Variants in DEXI observed in about 807,000 individuals in gnomAD.
DEXI encodes Dexi homolog.
DEXI carries 2 observed loss-of-function variants against 2.5 expected under a neutral mutation model. That is an observed-to-expected ratio of 0.81 (90% CI 0.33 to 2.55). The LOEUF (loss-of-function observed/expected upper bound fraction) is 2.55, where lower values mean the gene tolerates loss of function less well. DEXI is among the 30% of genes most tolerant of loss of function. DEXI has a pLI of 0.11. For missense variants in DEXI, 108 were observed against 130.3 expected, an observed-to-expected ratio of 0.83 and a Z score of 0.83; for synonymous variants, 71 against 68.7, an observed-to-expected ratio of 1.03 and a Z score of -0.17.
rs182391831 is a variant in DEXI, at chr16:10,941,550, G to A, written c.*149+19C>T. 5.4e-4 allele frequency: 772 copies of A among 1,441,714 alleles called. 4 individuals are homozygous for A. The African/African-American group carries it at 9.7e-3, about 18-fold the overall frequency. The allele number at this position is 1,441,714 out of a possible 1,614,324, so 89.3% of individuals were successfully genotyped here. A position where few individuals can be genotyped will look rare whatever the true frequency, so the allele number is the denominator to read the frequency against. On this transcript the variant is annotated intron_variant, in intron 1 of 1. Coordinates refer to ENST00000331808, the MANE Select transcript of DEXI (RefSeq NM_014015.4). This position sits in a 1 kb window ranked among gnomAD's most constrained non-coding sequence, Gnocchi z 6.4. ...TAGCGCCCCAACCCGCCCTCATCCTGTTCAGAGAGGGCACTTACAGGCCTC... is the reference window on the plus strand; with the variant it reads ...TAGCGCCCCAACCCGCCCTCATCCTATTCAGAGAGGGCACTTACAGGCCTC...
intron 1 of DEXI, chr16:10,936,198 G>T (rs749175650): frequency 6.6e-6 from 1 of 151,844 alleles, no homozygotes; most frequent in Non-Finnish European, 1.5e-5. Context: ...GTCTCACTAT[G>T]TTGCCCAGGC....
rs769394188 is a variant in DEXI at position 10,941,904 on chromosome 16, G to A, written c.102C>T (p.Phe34=). Residue 34 remains phenylalanine (F), a synonymous_variant, in exon 1 of 2, where the codon TTC becomes TTT. Transcript: ENST00000331808. This position sits in a 1 kb window ranked among gnomAD's most constrained non-coding sequence, Gnocchi z 6.4. ...AGTACAGGATCAGCACATTGACGAAGAACAGGCCCACGTAGAACATAGAGG... is the reference window on the plus strand; with the variant it reads ...AGTACAGGATCAGCACATTGACGAAAAACAGGCCCACGTAGAACATAGAGG... ...LLPSMFYVGL[F]FVNVLILYYA... is the part of the protein sequence containing the mutation. 1.9e-6 allele frequency: 3 copies of A among 1,608,886 alleles called. No individual in the cohort carries two copies. The highest frequency in any genetic ancestry group is 1.3e-5 in the African/African-American group (1 of 74,940).
In DEXI at chr16:10,941,516, C is replaced by T. The variant is rs2145447635; in HGVS notation, c.*149+53G>A. 2 of 1,392,036 alleles carry T rather than the reference C, an allele frequency of 1.4e-6. No homozygotes were observed. Among genetic ancestry groups the T allele is most frequent in the South Asian group, 3.4e-5 (2 of 59,652 alleles). 86.2% of individuals were successfully genotyped at this position (1,392,036 alleles called of 1,614,324 possible). A position where few individuals can be genotyped will look rare whatever the true frequency, so the allele number is the denominator to read the frequency against. ...GTATCCGGCCTGGGAATTCCTCCCT[C>T]TCCCTTGCTAGCGCCCCAACCCGCC... On this transcript the variant is annotated intron_variant, in intron 1 of 1. Transcript: ENST00000331808. This position sits in a 1 kb window ranked among gnomAD's most constrained non-coding sequence, Gnocchi z 6.4.
At position 10,942,231 on chromosome 16, in the gene DEXI, G is replaced by T; in HGVS notation, c.-226C>A. 1 of 384,844 alleles carries T rather than the reference G, an allele frequency of 2.6e-6. No individual in the cohort carries two copies. The highest frequency in any genetic ancestry group is 4.7e-5 in the South Asian group (1 of 21,128). The allele number at this position is 384,844 out of a possible 1,614,324, so 23.8% of individuals were successfully genotyped here. On this transcript the variant is annotated 5_prime_UTR_variant, in exon 1 of 2. Transcript: ENST00000331808. This position sits in a 1 kb window ranked among gnomAD's most constrained non-coding sequence, Gnocchi z 5.0. Reference sequence around the variant, plus strand: ...GCCCCCAAGGATCTCTCGACCGCCCGGGCGGCGAGGCGGGCCCCCCTGAAG... The same window carrying T: ...GCCCCCAAGGATCTCTCGACCGCCCTGGCGGCGAGGCGGGCCCCCCTGAAG...
At position 10,929,522 on chromosome 16, in the gene DEXI, A is replaced by T. The variant is rs1001349506; in HGVS notation, c.*187T>A. The T allele has an allele frequency of 6.1e-6, 6 of 985,406 alleles. No individual in the cohort carries two copies. The highest frequency in any genetic ancestry group is 1.7e-5 in the African/African-American group (1 of 57,220). 61.0% of individuals were successfully genotyped at this position (985,406 alleles called of 1,614,324 possible). ...TCCACTCTCCTGGGTTCAAACAGGA[A>T]CCTCTCTGTTGGCACGAAGCTTTTG... is the stretch of plus-strand genomic sequence containing the variant. On this transcript the variant is annotated 3_prime_UTR_variant, in exon 2 of 2. Coordinates refer to ENST00000331808, the MANE Select transcript of DEXI (RefSeq NM_014015.4). The surrounding 1 kb of genome is among the most constrained non-coding windows in gnomAD (Gnocchi z 4.3).
chr16:10,941,649 G>T lies in DEXI; in HGVS notation c.*69C>A. On this transcript the variant is annotated 3_prime_UTR_variant, in exon 1 of 2. Transcript: ENST00000331808. The surrounding 1 kb of genome is among the most constrained non-coding windows in gnomAD (Gnocchi z 6.4). ...TGCCCCCAACCAGCTGCGGCGGCAT[G>T]ATCTGGGCGGCTGGTCCAGGGCATG... 1 of 1,539,700 alleles carries T rather than the reference G, an allele frequency of 6.5e-7. No individual in the cohort carries two copies. Among genetic ancestry groups the T allele is most frequent in the South Asian group, 1.3e-5 (1 of 78,832 alleles).
rs2041065837 is a variant in DEXI, at chr16:10,938,994, G to A, written c.*149+2575C>T. The A allele has an allele frequency of 1.3e-5, 2 of 152,314 alleles. No individual in the cohort carries two copies. Among genetic ancestry groups the A allele is most frequent in the East Asian group, 1.9e-4 (1 of 5,194 alleles). 9.4% of individuals were successfully genotyped at this position (152,314 alleles called of 1,614,324 possible). On this transcript the variant is annotated intron_variant, in intron 1 of 1. Coordinates refer to ENST00000331808, the MANE Select transcript of DEXI (RefSeq NM_014015.4). The surrounding 1 kb of genome is among the most constrained non-coding windows in gnomAD (Gnocchi z 4.9). ...AAGTTACACTGCTTCAAAGTCAAAT[G>A]CTTGGCTTGGAGACAGGGATTTATC...
chr16:10,932,075 G>C (rs1424449022), intron 1 of DEXI: 1 of 152,258 alleles, frequency 6.6e-6, no homozygotes, highest in African/African-American at 2.4e-5. Context: ...AAAGGGCCCA[G>C]AGAGGGTGGT....
In DEXI at chr16:10,937,879, G is replaced by C. The variant is rs1292500237; in HGVS notation, c.*149+3690C>G. 2 of 152,214 alleles carry C rather than the reference G, an allele frequency of 1.3e-5. No homozygotes were observed. Among genetic ancestry groups the C allele is most frequent in the Non-Finnish European group, 2.9e-5 (2 of 68,050 alleles). The allele number at this position is 152,214 out of a possible 1,614,324, so 9.4% of individuals were successfully genotyped here. ...CTGGTGCCCTGGGGACCACAGGGCAGCAAGAAAGTTCTCCTAAGGGTCCTG... is the reference window on the plus strand; with the variant it reads ...CTGGTGCCCTGGGGACCACAGGGCACCAAGAAAGTTCTCCTAAGGGTCCTG... On this transcript the variant is annotated intron_variant, in intron 1 of 1. Coordinates refer to ENST00000331808, the MANE Select transcript of DEXI (RefSeq NM_014015.4). This position sits in a 1 kb window ranked among gnomAD's most constrained non-coding sequence, Gnocchi z 4.2.
rs986833879 is a variant in DEXI, at chr16:10,937,898, G to T, written c.*149+3671C>A. 8 of 152,220 alleles carry T rather than the reference G, an allele frequency of 5.3e-5. No homozygotes were observed. The highest frequency in any genetic ancestry group is 8.8e-5 in the Non-Finnish European group (6 of 68,074). 9.4% of individuals were successfully genotyped at this position (152,220 alleles called of 1,614,324 possible). On this transcript the variant is annotated intron_variant, in intron 1 of 1. Coordinates refer to ENST00000331808, the MANE Select transcript of DEXI (RefSeq NM_014015.4). This position sits in a 1 kb window ranked among gnomAD's most constrained non-coding sequence, Gnocchi z 4.2. ...AGGGCAGCAAGAAAGTTCTCCTAAG[G>T]GTCCTGGGGCTGGGAAGGCAGAGTG...
chr16:10,937,096 G>C lies in DEXI; in HGVS notation c.*149+4473C>G, dbSNP rs972928794. On this transcript the variant is annotated intron_variant, in intron 1 of 1. Coordinates refer to ENST00000331808, the MANE Select transcript of DEXI (RefSeq NM_014015.4). This position sits in a 1 kb window ranked among gnomAD's most constrained non-coding sequence, Gnocchi z 4.2. ...GACTCTTGACATCTCACTGTCTTGAGACACATACTGGGGTTTTCTCCTGTC... is the reference window on the plus strand; with the variant it reads ...GACTCTTGACATCTCACTGTCTTGACACACATACTGGGGTTTTCTCCTGTC... 15 of 152,244 alleles carry C rather than the reference G, an allele frequency of 9.9e-5. No individual in the cohort carries two copies. The highest frequency in any genetic ancestry group is 3.4e-4 in the African/African-American group (14 of 41,436). 9.4% of individuals were successfully genotyped at this position (152,244 alleles called of 1,614,324 possible).
Position 10,938,408 on chromosome 16 carries a change from G to A in DEXI, c.*149+3161C>T, listed in dbSNP as rs1265614233. 1 of 151,734 alleles carries A rather than the reference G, an allele frequency of 6.6e-6. No homozygotes were observed. The highest frequency in any genetic ancestry group is 2.4e-5 in the African/African-American group (1 of 41,342). The allele number at this position is 151,734 out of a possible 1,614,324, so 9.4% of individuals were successfully genotyped here. A position where few individuals can be genotyped will look rare whatever the true frequency, so the allele number is the denominator to read the frequency against. ...AGAGGGAGCAAAAGTAGGTGCACCTGTTCATCTTGAGATTCATCCTGGGCC... is the reference window on the plus strand; with the variant it reads ...AGAGGGAGCAAAAGTAGGTGCACCTATTCATCTTGAGATTCATCCTGGGCC... On this transcript the variant is annotated intron_variant, in intron 1 of 1. Coordinates refer to ENST00000331808, the MANE Select transcript of DEXI (RefSeq NM_014015.4). The surrounding 1 kb of genome is among the most constrained non-coding windows in gnomAD (Gnocchi z 4.9).
rs917322787 is a variant in DEXI, at chr16:10,942,407, C to A, written c.-402G>T. 4 of 162,218 alleles carry A rather than the reference C, an allele frequency of 2.5e-5. No homozygotes were observed. The highest frequency in any genetic ancestry group is 1.6e-4 in the South Asian group (1 of 6,404). The allele number at this position is 162,218 out of a possible 1,614,324, so 10.0% of individuals were successfully genotyped here. A position where few individuals can be genotyped will look rare whatever the true frequency, so the allele number is the denominator to read the frequency against. Reference sequence around the variant, plus strand: ...GCCCCGCAGGTCCTCGCGCACCCCCCGCGCCCCCGCAGGCCCAGCACCCAT... The same window carrying A: ...GCCCCGCAGGTCCTCGCGCACCCCCAGCGCCCCCGCAGGCCCAGCACCCAT... On this transcript the variant is annotated 5_prime_UTR_variant, in exon 1 of 2. Coordinates refer to ENST00000331808, the MANE Select transcript of DEXI (RefSeq NM_014015.4). The surrounding 1 kb of genome is among the most constrained non-coding windows in gnomAD (Gnocchi z 5.0).
Position 10,942,040 on chromosome 16 carries a change from C to G in DEXI, c.-35G>C. 22 of 1,360,962 alleles carry G rather than the reference C, an allele frequency of 1.6e-5. No homozygotes were observed. The highest frequency in any genetic ancestry group is 2.1e-5 in the Non-Finnish European group (22 of 1,059,682). The allele number at this position is 1,360,962 out of a possible 1,614,324, so 84.3% of individuals were successfully genotyped here. On this transcript the variant is annotated 5_prime_UTR_variant, in exon 1 of 2. Coordinates refer to ENST00000331808, the MANE Select transcript of DEXI (RefSeq NM_014015.4). The surrounding 1 kb of genome is among the most constrained non-coding windows in gnomAD (Gnocchi z 5.0). ...GGCAAGGGCGGCGGCCCGGCGATCC[C>G]GGCGAACTCAGCCGCTGCGGCGCCC...
At chr16:10,930,984 T>C (rs939175853) in intron 1 of DEXI, 15 of 152,312 alleles carry the variant, frequency 9.8e-5, no homozygotes, top group African/African-American at 3.4e-4. Flanking sequence ...CCAAGGCCTG[T>C]GGTCATCCTT....
rs2040696961 is a variant in DEXI, at chr16:10,929,749, TAA to T, written c.*150-192_*150-191del. The T allele has an allele frequency of 5.8e-6, 1 of 171,994 alleles. No homozygotes were observed. The highest frequency in any genetic ancestry group is 1.2e-5 in the Non-Finnish European group (1 of 86,282). 10.7% of individuals were successfully genotyped at this position (171,994 alleles called of 1,614,324 possible). Reference sequence around the variant, plus strand: ...GGCTGAAAATGTCTTTCTGCAAATATAAAACTCTTTTTAATGAATTTGCCTAA... The same window carrying T: ...GGCTGAAAATGTCTTTCTGCAAATATAACTCTTTTTAATGAATTTGCCTAA... On this transcript the variant is annotated intron_variant, in intron 1 of 1. Transcript: ENST00000331808. This position sits in a 1 kb window ranked among gnomAD's most constrained non-coding sequence, Gnocchi z 4.3.
chr16:10,939,585 T>C lies in DEXI; in HGVS notation c.*149+1984A>G, dbSNP rs2041073568. Reference sequence around the variant, plus strand: ...TGGACTGCTTTTCTCCAGATCCTTCTATCAAATTAAGGCTCAGCTCAAAAG... The same window carrying C: ...TGGACTGCTTTTCTCCAGATCCTTCCATCAAATTAAGGCTCAGCTCAAAAG... On this transcript the variant is annotated intron_variant, in intron 1 of 1. Transcript: ENST00000331808. This position sits in a 1 kb window ranked among gnomAD's most constrained non-coding sequence, Gnocchi z 4.9. 1 of 152,230 alleles carries C rather than the reference T, an allele frequency of 6.6e-6. No individual in the cohort carries two copies. The highest frequency in any genetic ancestry group is 1.5e-5 in the Non-Finnish European group (1 of 68,054). The allele number at this position is 152,230 out of a possible 1,614,324, so 9.4% of individuals were successfully genotyped here.
chr16:10,936,754 G>C (rs1193093563), intron 1 of DEXI: 2 of 152,210 alleles, frequency 1.3e-5, no homozygotes, highest in Admixed American at 6.5e-5. Flanking sequence ...TGTGGCCAGG[G>C]AACCGGGCTG....
In DEXI at chr16:10,937,328, A is replaced by C. The variant is rs2041042840; in HGVS notation, c.*149+4241T>G. On this transcript the variant is annotated intron_variant, in intron 1 of 1. Transcript: ENST00000331808. This position sits in a 1 kb window ranked among gnomAD's most constrained non-coding sequence, Gnocchi z 4.2. ...CTGACCCCTGGCTGTGGGATCTCCC[A>C]TAACTCAAATCTGACTGTGTCCCTG... The C allele has an allele frequency of 6.6e-6, 1 of 152,364 alleles. No individual in the cohort carries two copies. Among genetic ancestry groups the C allele is most frequent in the Non-Finnish European group, 1.5e-5 (1 of 68,172 alleles). The allele number at this position is 152,364 out of a possible 1,614,324, so 9.4% of individuals were successfully genotyped here.
Sources: allele counts gnomAD v4.1 joint callset, GRCh38; gene constraint gnomAD v4.1.1; non-coding constraint Gnocchi (gnomAD v3.1); transcripts MANE v1.5; gene names NCBI Gene and HGNC (gene_info 2026-07-23, HGNC 2026-07-21).